Variants in TCF20 observed in about 807,000 individuals in gnomAD.
The protein encoded by TCF20 is transcription factor 20, also known as SPRE-binding protein.
TCF20 carries 3 observed loss-of-function variants against 148.6 expected under a neutral mutation model. The observed-to-expected ratio is 0.02, with a 90% CI of 0.01 to 0.05. The LOEUF (loss-of-function observed/expected upper bound fraction) is 0.05. Among genes scored for constraint, TCF20 ranks in the 10% least tolerant of loss-of-function variants. The pLI, the probability that TCF20 is intolerant of heterozygous loss-of-function variation, is 1.00. For missense variants in TCF20, 2,350 were observed against 2,429.3 expected (o/e 0.97, Z 0.69); for synonymous variants, 1,049 against 909.5 (o/e 1.15, Z -2.76).
At chr22:42,293,575 G>T (rs1354924622) in intron 1 of TCF20, among the ~76,000 whole-genome samples, 2 of 152,198 alleles carry the variant, frequency 1.3e-5, no homozygotes, top group Non-Finnish European at 2.9e-5. Context: ...CTCTGTAAGG[G>T]GGTATCTTCA....
intron 3 of TCF20, among the ~76,000 whole-genome samples, chr22:42,177,133 C>G (rs1989375): frequency 0.26 from 38,734 of 151,852 alleles, 5,562 homozygotes; most frequent in East Asian, 0.46. Context: ...AAGTAAAAAA[C>G]GCTGGGCGCG....
chr22:42,337,953 C>A (rs374643684), intron 1 of TCF20, among the ~76,000 whole-genome samples: 18 of 152,178 alleles, frequency 1.2e-4, no homozygotes, highest in East Asian at 9.6e-4. Flanking sequence ...GCCCTGCATA[C>A]TCAACCTTCA....
At position 42,209,855 on chromosome 22, in the gene TCF20, A is replaced by C. The variant is rs1920926710; in HGVS notation, c.5451T>G (p.Ser1817Arg). Reference protein sequence around the residue: ...PCKKAATEGSSEKTVLDSKPS... With the variant: ...PCKKAATEGSREKTVLDSKPS... ...GCTTCGAGTCCAAAACAGTCTTTTCACTGCTGCCCTCAGTGGCTGCTTTTT... is the reference window on the plus strand; with the variant it reads ...GCTTCGAGTCCAAAACAGTCTTTTCCCTGCTGCCCTCAGTGGCTGCTTTTT... The change falls in exon 2 of 6, where the codon AGT becomes AGG. Residue 1817 changes from serine (S) to arginine (R), a missense_variant. Physicochemically the swap from Ser to Arg is moderately radical, Grantham distance 110 (BLOSUM62 -1). Around this residue, in one of 7 missense-constraint regions of TCF20, gnomAD observed 374 missense variants for 398.3 expected, o/e 0.94. Coordinates refer to ENST00000677622, the MANE Select transcript of TCF20 (RefSeq NM_001378418.1). The C allele has an allele frequency of 5.6e-6, 9 of 1,614,042 alleles. No homozygotes were observed. Among genetic ancestry groups the C allele is most frequent in the Non-Finnish European group, 7.6e-6 (9 of 1,180,032 alleles).
chr22:42,187,349 C>T (rs748568841), intron 2 of TCF20, among the ~76,000 whole-genome samples: 2 of 152,214 alleles, frequency 1.3e-5, no homozygotes, highest in Admixed American at 6.5e-5. Flanking sequence ...ATTTAGATCA[C>T]CATTCTCCTC....
chr22:42,224,041 A>C (rs1204441229), intron 1 of TCF20, among the ~76,000 whole-genome samples: 1 of 152,176 alleles, frequency 6.6e-6, no homozygotes, highest in East Asian at 1.9e-4. Flanking sequence ...AAAGAAACCC[A>C]CAAGAATGCT....
At chr22:42,182,916 T>A (rs867675503) in intron 2 of TCF20, among the ~76,000 whole-genome samples, 1 of 152,192 alleles carries the variant, frequency 6.6e-6, no homozygotes, top group Admixed American at 6.5e-5. Flanking sequence ...TTTGTTTTTT[T>A]ACTAGAGACG....
At chr22:42,284,927 G>T (rs373278499), upstream of TCF20, among the ~76,000 whole-genome samples, 118 of 152,368 alleles carry the variant, frequency 7.7e-4, no homozygotes, top group African/African-American at 2.7e-3. Flanking sequence ...AGAGACCCAA[G>T]TGTCCAGTGC....
intron 1 of TCF20, among the ~76,000 whole-genome samples, chr22:42,220,828 C>T (rs547376465): frequency 6.6e-6 from 1 of 152,142 alleles, no homozygotes; most frequent in Non-Finnish European, 1.5e-5. Context: ...GCAGCTCCAT[C>T]GGGCAACCTC....
intron 1 of TCF20, among the ~76,000 whole-genome samples, chr22:42,300,027 A>T (rs1170683569): frequency 6.6e-6 from 1 of 152,050 alleles, no homozygotes; most frequent in Non-Finnish European, 1.5e-5. Context: ...CCAGCCGCAA[A>T]GCAGTCACGT....
At chr22:42,177,460 C>T (rs1345005873) in intron 3 of TCF20, among the ~76,000 whole-genome samples, 1 of 152,132 alleles carries the variant, frequency 6.6e-6, no homozygotes, top group Non-Finnish European at 1.5e-5. Context: ...TTAACACCCA[C>T]CTTGCCGCCA....
chr22:42,193,549 A>G (rs979164554), intron 2 of TCF20, among the ~76,000 whole-genome samples: 3 of 152,082 alleles, frequency 2.0e-5, no homozygotes, highest in Non-Finnish European at 4.4e-5. Context: ...GCTGGTCTCA[A>G]ACTCCTGGGC....
chr22:42,317,544 A>G lies in TCF20; in HGVS notation c.-37+25935T>C, dbSNP rs1359314588. On this transcript the variant is annotated intron_variant, in intron 1 of 1. Coordinates refer to the TCF20 transcript ENST00000515426. This position sits in a 1 kb window ranked among gnomAD's most constrained non-coding sequence, Gnocchi z 4.2. ...ACCTGGTACATGGGCAAAGAAAAAT[A>G]CCCCCATCTCACCAAGGTGGAAACT... 1.3e-5 allele frequency among the ~76,000 whole-genome samples: 2 copies of G among 151,854 alleles called. No homozygotes were observed. Among genetic ancestry groups the G allele is most frequent in the Admixed American group, 6.6e-5 (1 of 15,254 alleles).
At chr22:42,307,122 G>A (rs1053399979) in intron 1 of TCF20, among the ~76,000 whole-genome samples, 2 of 152,102 alleles carry the variant, frequency 1.3e-5, no homozygotes, top group African/African-American at 4.8e-5. Flanking sequence ...TGGCAATGGT[G>A]GGCTCTGACG....
intron 1 of TCF20, among the ~76,000 whole-genome samples, chr22:42,258,773 A>G (rs547792552): frequency 1.3e-5 from 2 of 152,260 alleles, no homozygotes; most frequent in East Asian, 3.9e-4. Context: ...CTAGGTTATG[A>G]TATTCAGTAG....
Position 42,289,729 on chromosome 22 carries a change from G to A in TCF20, c.-37+53750C>T, listed in dbSNP as rs73886016. 2.9e-3 allele frequency among the ~76,000 whole-genome samples: 436 copies of A among 152,236 alleles called. 2 individuals carry two copies. Among genetic ancestry groups the A allele is most frequent in the African/African-American group, 0.01 (418 of 41,528 alleles). On this transcript the variant is annotated intron_variant, in intron 1 of 1. Transcript: ENST00000515426. Reference sequence around the variant, plus strand: ...ACACACTTTTATCTGCTGGCAGTCCGCCAATGGCTGCAAATAAGGGATGAT... The same window carrying A: ...ACACACTTTTATCTGCTGGCAGTCCACCAATGGCTGCAAATAAGGGATGAT...
intron 3 of TCF20, among the ~76,000 whole-genome samples, chr22:42,172,747 G>A (rs753636573): frequency 4.6e-5 from 7 of 152,172 alleles, no homozygotes; most frequent in Non-Finnish European, 1.0e-4. Flanking sequence ...AATGTCCTTT[G>A]GATCTGTTGT....
At chr22:42,219,185 A>G (rs1022590820) in intron 1 of TCF20, among the ~76,000 whole-genome samples, 3 of 151,400 alleles carry the variant, frequency 2.0e-5, no homozygotes, top group Non-Finnish European at 4.4e-5. Context: ...GGAGTTCAAG[A>G]CCAGCCTGGG....
chr22:42,270,849 C>G (rs1296035621), upstream of TCF20, among the ~76,000 whole-genome samples: 6 of 150,470 alleles, frequency 4.0e-5, no homozygotes, highest in East Asian at 9.9e-4. Context: ...AAGACCCCCA[C>G]CTCGCGGCAG....
chr22:42,323,926 A>ATGGTGG (rs1312568607), intron 1 of TCF20, among the ~76,000 whole-genome samples: 123 of 9,596 alleles, frequency 0.013, 1 homozygote, highest in Middle Eastern at 0.11. Flanking sequence ...GATGGAGGTT[A>ATGGTGG]TGGTGGTGGT....
Sources: allele counts gnomAD v4.1 joint callset (sites outside exome capture counted in the v4.1 genomes callset), GRCh38; gene constraint gnomAD v4.1.1; regional missense constraint gnomAD v4.1.1; non-coding constraint Gnocchi (gnomAD v3.1); transcripts MANE v1.5; gene names NCBI Gene and HGNC (gene_info 2026-07-23, HGNC 2026-07-21).